ZSCAN20: variants seen among roughly 807,000 people sequenced by gnomAD.
The protein encoded by ZSCAN20 is zinc finger and SCAN domain-containing protein 20.
In ZSCAN20, 39 loss-of-function variants were observed where a neutral mutation model predicts 97.1. That is an observed-to-expected ratio of 0.40 (90% CI 0.31 to 0.52). The LOEUF is 0.52. Among genes scored for constraint, ZSCAN20 ranks in the 20% least tolerant of loss-of-function variants. The pLI is 0.49. For synonymous variants in ZSCAN20, 456 were observed against 467.3 expected (o/e 0.98, Z 0.31); for missense variants, 1,115 against 1,290.4 (o/e 0.86, Z 2.08).
Position 33,494,869 on chromosome 1 carries a change from G to A in ZSCAN20, c.2525G>A (p.Arg842Lys). 1.9e-6 allele frequency: 3 copies of A among 1,614,182 alleles called. No individual in the cohort carries two copies. Among genetic ancestry groups the A allele is most frequent in the Non-Finnish European group, 2.5e-6 (3 of 1,180,044 alleles). ...AQSPSFSAHW[R>K]NSTEETAPEQ... ...AGCCCATCTTTTAGTGCTCACTGGA[G>A]GAATTCTACAGAAGAGACAGCTCCT... is the stretch of plus-strand genomic sequence containing the variant. The change falls in exon 8 of 8, where the codon AGG (arginine) becomes AAG (lysine). Residue 842 changes from arginine (R) to lysine (K), a missense_variant. By Grantham distance (26) the Arg-to-Lys change is conservative. Transcript: ENST00000684572.
intron 3 of ZSCAN20, 29 bp from the exon 4 acceptor site, chr1:33,489,086 G>A (rs1421580019): frequency 6.3e-7 from 1 of 1,593,224 alleles, no homozygotes; most frequent in Non-Finnish European, 8.6e-7. Flanking sequence ...ACCAGAGCTT[G>A]GGTTTCAGTG....
chr1:33,494,641 A>C lies in ZSCAN20; in HGVS notation c.2297A>C (p.Tyr766Ser). ...AGAATCCACACTGGAGAGAAGCCCT[A>C]TAAATGCCTTGAATGTGGGAAAAGC... ...HQRIHTGEKP[Y>S]KCLECGKSFS... Residue 766 changes from tyrosine to serine, a missense_variant, in exon 8 of 8, where the codon TAT becomes TCT. This residue lies in a region of ZSCAN20 where 554 missense variants were observed against 584.9 expected (regional missense o/e 0.95). Transcript: ENST00000684572. The C allele has an allele frequency of 1.9e-6, 3 of 1,614,238 alleles. No homozygotes were observed. The highest frequency in any genetic ancestry group is 2.5e-6 in the Non-Finnish European group (3 of 1,180,044).
rs550166068 is a variant in ZSCAN20, at chr1:33,493,016, G to A, written c.1445-171G>A. 1.3e-5 allele frequency among the ~76,000 whole-genome samples: 2 copies of A among 152,290 alleles called. No individual in the cohort carries two copies. The highest frequency in any genetic ancestry group is 2.9e-5 in the Non-Finnish European group (2 of 68,022). On this transcript the variant is annotated intron_variant, in intron 6 of 7. Coordinates refer to ENST00000684572, the MANE Select transcript of ZSCAN20 (RefSeq NM_001377376.1). This position sits in a 1 kb window ranked among gnomAD's most constrained non-coding sequence, Gnocchi z 4.3. ...GAAGAGGGTGAGGGTGGGAAGCTCT[G>A]GCTGGCTGTCCTAGCATGCCCCTGA... is the stretch of plus-strand genomic sequence containing the variant.
chr1:33,489,424 T>C, intron 4 of ZSCAN20, 94 bp from the exon 5 acceptor site: 1 of 1,266,620 alleles, frequency 7.9e-7, no homozygotes, highest in Non-Finnish European at 1.1e-6. Flanking sequence ...GGTATCCCTC[T>C]GTTCCCATCA....
At position 33,501,406 on chromosome 1, in the gene ZSCAN20, T is replaced by G. The variant is rs1164415420; in HGVS notation, c.*5930T>G. Among the ~76,000 whole-genome samples the G allele has an allele frequency of 2.6e-5, 4 of 152,214 alleles. No homozygotes were observed. The highest frequency in any genetic ancestry group is 5.9e-5 in the Non-Finnish European group (4 of 68,030). On this transcript the variant is annotated 3_prime_UTR_variant, in exon 8 of 8. Transcript: ENST00000684572. ...TGTGAAATTAAAATGGATTAAATTT[T>G]GTCCATCAGGAGCCTCAGGGATTTA...
In ZSCAN20 at chr1:33,500,281, T is replaced by C. The variant is rs1242400704; in HGVS notation, c.*4805T>C. On this transcript the variant is annotated 3_prime_UTR_variant, in exon 8 of 8. Transcript: ENST00000684572. The stretch of plus-strand genomic sequence containing the variant: ...GCTGCAGCTGAGTGGGTGACCTTTC[T>C]CCTCACCTCCGTGTGCCGCATCTCT... Among the ~76,000 whole-genome samples, 1 of 152,114 alleles carries C rather than the reference T, an allele frequency of 6.6e-6. No homozygotes were observed. Among genetic ancestry groups the C allele is most frequent in the African/African-American group, 2.4e-5 (1 of 41,406 alleles).
chr1:33,491,498 G>T lies in ZSCAN20; in HGVS notation c.1240G>T (p.Ala414Ser). ...ELEALVRART[A>S]IRATDGPGEA... ...GGAGGCCCTGGTCAGGGCTCGGACA[G>T]CCATCAGAGCCACAGATGGCCCAGG... Residue 414 changes from alanine to serine, a missense_variant, in exon 6 of 8, where the codon GCC becomes TCC. Ala to Ser is a moderately conservative substitution (Grantham distance 99). Around this residue, in one of 3 missense-constraint regions of ZSCAN20, gnomAD observed 508 missense variants for 611.2 expected, o/e 0.83. Coordinates refer to ENST00000684572, the MANE Select transcript of ZSCAN20 (RefSeq NM_001377376.1). This position sits in a 1 kb window ranked among gnomAD's most constrained non-coding sequence, Gnocchi z 4.3. The T allele has an allele frequency of 5.0e-6, 8 of 1,614,036 alleles. No individual in the cohort carries two copies. Among genetic ancestry groups the T allele is most frequent in the Non-Finnish European group, 6.8e-6 (8 of 1,179,944 alleles).
rs1652841137 is a variant in ZSCAN20, at chr1:33,495,778, G to A, written c.*302G>A. ...CAAACTGGCAACTTACGAGATTAGA[G>A]TTAAATCAGTGGTCCTGAGCAGTGA... is the stretch of plus-strand genomic sequence containing the variant. On this transcript the variant is annotated 3_prime_UTR_variant, in exon 8 of 8. Coordinates refer to ENST00000684572, the MANE Select transcript of ZSCAN20 (RefSeq NM_001377376.1). 1 of 214,704 alleles carries A rather than the reference G, an allele frequency of 4.7e-6. No homozygotes were observed. The highest frequency in any genetic ancestry group is 2.3e-5 in the African/African-American group (1 of 43,758). 13.3% of individuals were successfully genotyped at this position (214,704 alleles called of 1,614,324 possible).
In ZSCAN20 at chr1:33,493,197, C is replaced by A. The variant is rs761818352; in HGVS notation, c.1455C>A (p.His485Gln). The change falls in exon 7 of 8, where the codon CAC becomes CAA. Residue 485 changes from histidine to glutamine, a missense_variant. This residue lies in a region of ZSCAN20 where 508 missense variants were observed against 611.2 expected (regional missense o/e 0.83). Coordinates refer to ENST00000684572, the MANE Select transcript of ZSCAN20 (RefSeq NM_001377376.1). This position sits in a 1 kb window ranked among gnomAD's most constrained non-coding sequence, Gnocchi z 4.3. ...ALFQSRIAGV[H>Q]WGYEETKAFL... is the part of the protein sequence containing the mutation. Reference sequence around the variant, plus strand: ...CTTCACTCCTGACAGCAGGTGTGCACTGGGGCTATGAGGAGACCAAGGCCT... The same window carrying A: ...CTTCACTCCTGACAGCAGGTGTGCAATGGGGCTATGAGGAGACCAAGGCCT... The A allele has an allele frequency of 5.0e-6, 8 of 1,613,724 alleles. No individual in the cohort carries two copies. Among genetic ancestry groups the A allele is most frequent in the Non-Finnish European group, 6.8e-6 (8 of 1,179,682 alleles).
At chr1:33,492,169 A>G (rs1652644564) in intron 6 of ZSCAN20, 2 of 153,548 alleles carry the variant, frequency 1.3e-5, no homozygotes, top group Admixed American at 6.5e-5. Flanking sequence ...ATGTCTGGGA[A>G]ACATCCAATC....
rs375500107 is a variant in ZSCAN20 at position 33,491,330 on chromosome 1, C to T, written c.1072C>T (p.Arg358Trp). Residue 358 changes from arginine (R) to tryptophan (W), a missense_variant, in exon 6 of 8, where the codon CGG (arginine) becomes TGG (tryptophan). By Grantham distance (101) the Arg-to-Trp change is moderately radical. Coordinates refer to ENST00000684572, the MANE Select transcript of ZSCAN20 (RefSeq NM_001377376.1). The surrounding 1 kb of genome is among the most constrained non-coding windows in gnomAD (Gnocchi z 4.3). The stretch of plus-strand genomic sequence containing the variant: ...TTGTCACCAGAACCGCCAGGTATAT[C>T]GGGCCATTGCAGAGCAGCTAAGGGC... ...RTCHQNRQVY[R>W]AIAEQLRARG... is the part of the protein sequence containing the mutation. The T allele has an allele frequency of 5.0e-5, 80 of 1,613,964 alleles. No individual in the cohort carries two copies. Among genetic ancestry groups the T allele is most frequent in the Non-Finnish European group, 6.2e-5 (73 of 1,180,006 alleles).
In ZSCAN20 at chr1:33,491,586, G is replaced by A. The variant is rs1445984147; in HGVS notation, c.1328G>A (p.Gly443Glu). Residue 443 changes from glycine to glutamate, a missense_variant, in exon 6 of 8, where the codon GGG (glycine) becomes GAG (glutamate). Around this residue, in one of 3 missense-constraint regions of ZSCAN20, gnomAD observed 508 missense variants for 611.2 expected, o/e 0.83. Transcript: ENST00000684572. This position sits in a 1 kb window ranked among gnomAD's most constrained non-coding sequence, Gnocchi z 4.3. ...GCAGAGATGGATGAGCAGGAGGAAG[G>A]GGGCTGGGATCCTGAAGAAATGGCA... ...SDAEMDEQEEGGWDPEEMAED... is the reference protein window; with the variant it reads ...SDAEMDEQEEEGWDPEEMAED... The A allele has an allele frequency of 1.9e-6, 3 of 1,614,040 alleles. No homozygotes were observed. Among genetic ancestry groups the A allele is most frequent in the Non-Finnish European group, 2.5e-6 (3 of 1,180,006 alleles).
rs140500991 is a variant in ZSCAN20 at position 33,487,698 on chromosome 1, A to G, written c.418-767A>G. Among the ~76,000 whole-genome samples the G allele has an allele frequency of 2.0e-5, 3 of 152,308 alleles. No homozygotes were observed. The East Asian group carries it at 5.8e-4, about 29-fold the overall frequency. On this transcript the variant is annotated intron_variant, in intron 2 of 7. Coordinates refer to ENST00000684572, the MANE Select transcript of ZSCAN20 (RefSeq NM_001377376.1). ...CACTCCATTGTCCAGGCTGGAGTGC[A>G]GTGGCATGATCATAGGTCACTGGTA... is the stretch of plus-strand genomic sequence containing the variant.
rs141539687 is a variant in ZSCAN20, at chr1:33,497,095, T to C, written c.*1619T>C. 2.6e-5 allele frequency among the ~76,000 whole-genome samples: 4 copies of C among 152,296 alleles called. No individual in the cohort carries two copies. The highest frequency in any genetic ancestry group is 2.1e-4 in the South Asian group (1 of 4,820). ...ATGGGCTGGGGAAGTACCTATCAGATAGTGGATGTGAAGCAGCCTTGAAGA... is the reference window on the plus strand; with the variant it reads ...ATGGGCTGGGGAAGTACCTATCAGACAGTGGATGTGAAGCAGCCTTGAAGA... On this transcript the variant is annotated 3_prime_UTR_variant, in exon 8 of 8. Coordinates refer to ENST00000684572, the MANE Select transcript of ZSCAN20 (RefSeq NM_001377376.1).
chr1:33,472,810 G>C (rs920213592), intron 1 of ZSCAN20, 119 bp downstream of exon 1: 2 of 152,082 alleles, frequency 1.3e-5, no homozygotes, highest in South Asian at 2.1e-4. Context: ...GCTTATATGT[G>C]GGGGTGGAGG....
chr1:33,493,509 G>T lies in ZSCAN20; in HGVS notation c.1767G>T (p.Arg589Ser). 1 of 1,614,152 alleles carries T rather than the reference G, an allele frequency of 6.2e-7. No individual in the cohort carries two copies. The highest frequency in any genetic ancestry group is 1.7e-5 in the Admixed American group (1 of 60,014). ...GTVREAAGLP[R>S]CGQSSAETDA... The stretch of plus-strand genomic sequence containing the variant: ...TCCGAGAGGCTGCAGGTCTCCCTAG[G>T]TGTGGGCAGAGTAGTGCTGAGACTG... The change falls in exon 7 of 8, where the codon AGG becomes AGT. Residue 589 changes from arginine to serine, a missense_variant. Arg to Ser is a moderately radical substitution (Grantham distance 110). Around this residue, in one of 3 missense-constraint regions of ZSCAN20, gnomAD observed 554 missense variants for 584.9 expected, o/e 0.95. Transcript: ENST00000684572. This position sits in a 1 kb window ranked among gnomAD's most constrained non-coding sequence, Gnocchi z 4.3.
chr1:33,488,682 G>A, intron 3 of ZSCAN20, 31 bp downstream of exon 3: 1 of 1,595,558 alleles, frequency 6.3e-7, no homozygotes, highest in South Asian at 1.1e-5. Context: ...TAGGGAATGA[G>A]GCCTTCTGCA....
At chr1:33,489,445 G>A in intron 4 of ZSCAN20, 73 bp from the exon 5 acceptor site, 3 of 1,470,112 alleles carry the variant, frequency 2.0e-6, no homozygotes, top group Non-Finnish European at 2.8e-6. Flanking sequence ...TCTTTCCTGG[G>A]AGCCTGCTAG....
chr1:33,491,991 A>G lies in ZSCAN20; in HGVS notation c.1444+289A>G. The G allele has an allele frequency of 3.3e-6, 1 of 300,618 alleles. No individual in the cohort carries two copies. Among genetic ancestry groups the G allele is most frequent in the East Asian group, 5.6e-5 (1 of 17,738 alleles). 18.6% of individuals were successfully genotyped at this position (300,618 alleles called of 1,614,324 possible). ...CACTGGTAGTATGGGATGATCATCG[A>G]CGTTACATGAATGAACTTTAAATTC... is the stretch of plus-strand genomic sequence containing the variant. On this transcript the variant is annotated intron_variant, in intron 6 of 7. Coordinates refer to ENST00000684572, the MANE Select transcript of ZSCAN20 (RefSeq NM_001377376.1). The surrounding 1 kb of genome is among the most constrained non-coding windows in gnomAD (Gnocchi z 4.3).
Sources: allele counts gnomAD v4.1 joint callset (sites outside exome capture counted in the v4.1 genomes callset), GRCh38; gene constraint gnomAD v4.1.1; regional missense constraint gnomAD v4.1.1; non-coding constraint Gnocchi (gnomAD v3.1); transcripts MANE v1.5; gene names NCBI Gene and HGNC (gene_info 2026-07-23, HGNC 2026-07-21).